Variants in ABCC4 observed in about 807,000 individuals in gnomAD.
ABCC4 encodes ATP-binding cassette sub-family C member 4.
ABCC4 carries 102 observed loss-of-function variants against 168.5 expected under a neutral mutation model. The observed-to-expected ratio is 0.61, with a 90% confidence interval of 0.52 to 0.71. The LOEUF (loss-of-function observed/expected upper bound fraction) is 0.71. ABCC4 is among the 30% of genes least tolerant of loss of function. The pLI is 0.00. For missense variants in ABCC4, 1,402 were observed against 1,605.8 expected (o/e 0.87, Z 2.17); for synonymous variants, 617 against 590.7 (o/e 1.04, Z -0.65).
chr13:95,116,842 G>A (rs907587718), intron 19 of ABCC4, among the ~76,000 whole-genome samples: 4 of 152,174 alleles, frequency 2.6e-5, no homozygotes, highest in Non-Finnish European at 4.4e-5. Flanking sequence ...TGACCCCTGA[G>A]AAGTGTGTGT....
At chr13:95,296,114 C>A (rs1463628061) in intron 1 of ABCC4, among the ~76,000 whole-genome samples, 3 of 150,204 alleles carry the variant, frequency 2.0e-5, no homozygotes, top group African/African-American at 4.9e-5. Context: ...ACCTGGGCAA[C>A]AGAGCAAGAC....
rs762030761 is a variant in ABCC4, at chr13:95,290,997, C to CAAAAAA, written c.74+10238_74+10243dup. ...TGGGCGACAGAGCAAGACCCTGTCT[C>CAAAAAA]AAAAAAAAAAAAAGAGGAAACCATG... is the stretch of plus-strand genomic sequence containing the variant. On this transcript the variant is annotated intron_variant, in intron 1 of 30. Coordinates refer to ENST00000645237, the MANE Select transcript of ABCC4 (RefSeq NM_005845.5). Among the ~76,000 whole-genome samples the CAAAAAA allele has an allele frequency of 2.3e-3, 82 of 36,428 alleles. 6 individuals are homozygous for CAAAAAA. The highest frequency in any genetic ancestry group is 5.2e-3 in the African/African-American group (68 of 13,082). The allele number at this position is 36,428 out of a possible 152,430, so 23.9% of individuals were successfully genotyped here.
intron 11 of ABCC4, among the ~76,000 whole-genome samples, chr13:95,184,320 T>C (rs2037993111): frequency 6.6e-6 from 1 of 152,228 alleles, no homozygotes; most frequent in African/African-American, 2.4e-5. Flanking sequence ...TATCAGAAGC[T>C]GAACAGGTAA....
At chr13:95,281,133 A>C (rs2041112212) in intron 1 of ABCC4, among the ~76,000 whole-genome samples, 2 of 152,032 alleles carry the variant, frequency 1.3e-5, no homozygotes, top group East Asian at 3.9e-4. Flanking sequence ...AACATGGTGA[A>C]ACCCCATCTC....
chr13:95,233,121 G>T (rs1256736965), intron 4 of ABCC4, among the ~76,000 whole-genome samples: 2 of 151,856 alleles, frequency 1.3e-5, no homozygotes, highest in Non-Finnish European at 2.9e-5. Flanking sequence ...CTAATACAAT[G>T]TATATTTACA....
intron 13 of ABCC4, among the ~76,000 whole-genome samples, chr13:95,174,269 T>C (rs919692821): frequency 3.3e-5 from 5 of 152,228 alleles, no homozygotes; most frequent in African/African-American, 9.6e-5. Context: ...ACTCTCGATA[T>C]ATATTCATGA....
At chr13:95,251,294 A>G (rs1319512791) in intron 1 of ABCC4, among the ~76,000 whole-genome samples, 1 of 151,946 alleles carries the variant, frequency 6.6e-6, no homozygotes, top group East Asian at 1.9e-4. Context: ...GCTCTCTTTT[A>G]GCCCTCTCTG....
intron 20 of ABCC4, among the ~76,000 whole-genome samples, chr13:95,084,386 G>C (rs1010373762): frequency 1.3e-5 from 2 of 152,104 alleles, no homozygotes; most frequent in African/African-American, 4.8e-5. Context: ...TAAAATCCCT[G>C]AATTTTTCTC....
chr13:95,021,251 A>G lies in ABCC4; in HGVS notation c.*324T>C. 4.7e-6 allele frequency: 1 copy of G among 211,624 alleles called. No individual in the cohort carries two copies. Among genetic ancestry groups the G allele is most frequent in the Non-Finnish European group, 9.3e-6 (1 of 107,560 alleles). The allele number at this position is 211,624 out of a possible 1,614,324, so 13.1% of individuals were successfully genotyped here. ...GGGGGCAATAAAAACAACAACAAAAACCTGTGACAACTTTGTCCTACTCCT... is the reference window on the plus strand; with the variant it reads ...GGGGGCAATAAAAACAACAACAAAAGCCTGTGACAACTTTGTCCTACTCCT... On this transcript the variant is annotated 3_prime_UTR_variant, in exon 31 of 31. Coordinates refer to ENST00000645237, the MANE Select transcript of ABCC4 (RefSeq NM_005845.5).
At chr13:95,070,041 G>A (rs1485336765) in intron 25 of ABCC4, among the ~76,000 whole-genome samples, 1 of 152,080 alleles carries the variant, frequency 6.6e-6, no homozygotes, top group Non-Finnish European at 1.5e-5. Context: ...TCAGGAGTTC[G>A]AGACCAGCCA....
At chr13:95,081,455 C>T (rs2034093166) in intron 21 of ABCC4, among the ~76,000 whole-genome samples, 2 of 152,344 alleles carry the variant, frequency 1.3e-5, no homozygotes, top group South Asian at 4.1e-4. Flanking sequence ...CCACACACAA[C>T]ACTGGCTAGG....
chr13:95,134,183 C>T (rs1217629870), intron 19 of ABCC4, among the ~76,000 whole-genome samples: 42 of 151,886 alleles, frequency 2.8e-4, no homozygotes, highest in Non-Finnish European at 4.4e-5. Flanking sequence ...ACACTGAGAA[C>T]CGAAGGCCAA....
intron 1 of ABCC4, among the ~76,000 whole-genome samples, chr13:95,288,404 A>G (rs2041313778): frequency 1.3e-5 from 2 of 152,370 alleles, no homozygotes; most frequent in South Asian, 4.1e-4. Flanking sequence ...GACATTGAAG[A>G]TACTGGTTTC....
rs752550546 is a variant in ABCC4 at position 95,206,787 on chromosome 13, A to G, written c.912-6T>C. On this transcript the variant is annotated splice_region_variant and splice_polypyrimidine_tract_variant and intron_variant, in intron 7 of 30. Coordinates refer to ENST00000645237, the MANE Select transcript of ABCC4 (RefSeq NM_005845.5). ...GAATCTTGGAAATCTCCTTCCTGAA[A>G]GAGAGTACAGGTTTTTAAAAAAGCA... is the stretch of plus-strand genomic sequence containing the variant. The G allele has an allele frequency of 1.9e-6, 3 of 1,613,838 alleles. No homozygotes were observed. Among genetic ancestry groups the G allele is most frequent in the Non-Finnish European group, 1.7e-6 (2 of 1,179,906 alleles).
At chr13:95,157,922 A>C (rs2036928865) in intron 19 of ABCC4, among the ~76,000 whole-genome samples, 1 of 151,694 alleles carries the variant, frequency 6.6e-6, no homozygotes, top group African/African-American at 2.4e-5. Context: ...AGTACAAAAA[A>C]TTAGCCGGGC....
rs149988265 is a variant in ABCC4, at chr13:95,209,283, C to T, written c.785+151G>A. 599 of 912,364 alleles carry T rather than the reference C, an allele frequency of 6.6e-4. 3 individuals are homozygous for T. In the African/African-American group the frequency reaches 9.4e-3, roughly 14 times the overall value. 56.5% of individuals were successfully genotyped at this position (912,364 alleles called of 1,614,324 possible). ...TGAAGATTTGCCTTCAGCATAAGGA[C>T]AGAGGCCCCCTTGGCTGAGCCTGAA... On this transcript the variant is annotated intron_variant, in intron 6 of 30. Transcript: ENST00000645237.
intron 23 of ABCC4, among the ~76,000 whole-genome samples, chr13:95,073,837 T>G (rs4148534): frequency 2.0e-5 from 3 of 152,064 alleles, no homozygotes; most frequent in African/African-American, 4.8e-5. Context: ...TGAGAATTTT[T>G]CTCAACCTCA....
At chr13:95,197,531 G>A (rs1050433880) in intron 8 of ABCC4, among the ~76,000 whole-genome samples, 2 of 152,228 alleles carry the variant, frequency 1.3e-5, no homozygotes, top group African/African-American at 2.4e-5. Flanking sequence ...TGAACGGCTT[G>A]TAAAGATGCT....
At chr13:95,267,450 G>A (rs903604743) in intron 1 of ABCC4, among the ~76,000 whole-genome samples, 1 of 152,080 alleles carries the variant, frequency 6.6e-6, no homozygotes, top group Non-Finnish European at 1.5e-5. Context: ...TCTTTCTTTT[G>A]TACACTGCCC....
Sources: allele counts gnomAD v4.1 joint callset (sites outside exome capture counted in the v4.1 genomes callset), GRCh38; gene constraint gnomAD v4.1.1; transcripts MANE v1.5; gene names NCBI Gene and HGNC (gene_info 2026-07-23, HGNC 2026-07-21).